NPAS3: variants seen among roughly 807,000 people sequenced by gnomAD.
NPAS3 encodes neuronal PAS domain-containing protein 3.
In NPAS3, 14 loss-of-function variants were observed where a neutral mutation model predicts 73.1. That is an observed-to-expected ratio of 0.19 (90% CI 0.13 to 0.30). NPAS3 has a LOEUF of 0.30. Ranked by LOEUF, NPAS3 falls within the 10% of genes least tolerant of loss-of-function variation. The pLI, the probability that NPAS3 is intolerant of heterozygous loss-of-function variation, is 1.00. For synonymous variants in NPAS3, 620 were observed against 541.5 expected (o/e 1.14, Z -2.01); for missense variants, 1,096 against 1,250.0 (o/e 0.88, Z 1.86).
chr14:33,259,133 A>G (rs940407319), intron 3 of NPAS3, among the ~76,000 whole-genome samples: 1 of 152,182 alleles, frequency 6.6e-6, no homozygotes, highest in Non-Finnish European at 1.5e-5. Flanking sequence ...AGCTCTTTAT[A>G]CTTAGGAAAG....
intron 4 of NPAS3, among the ~76,000 whole-genome samples, chr14:33,485,798 G>A (rs1013866685): frequency 2.0e-5 from 3 of 151,794 alleles, no homozygotes; most frequent in African/African-American, 4.8e-5. Context: ...CTCTCCCCAC[G>A]TTAGAACTTA....
At chr14:33,566,933 C>G (rs141126865) in intron 5 of NPAS3, among the ~76,000 whole-genome samples, 156 of 152,330 alleles carry the variant, frequency 1.0e-3, no homozygotes, top group African/African-American at 3.5e-3. Context: ...CCAGTGGCAG[C>G]CTCTTTGCAG....
chr14:33,453,848 T>C (rs1566917247), intron 4 of NPAS3, among the ~76,000 whole-genome samples: 1 of 152,168 alleles, frequency 6.6e-6, no homozygotes, highest in Non-Finnish European at 1.5e-5. Flanking sequence ...CTGATATGCT[T>C]CCTTTGTTTG....
intron 1 of NPAS3, among the ~76,000 whole-genome samples, chr14:32,941,287 C>CCCT (rs2035995850): frequency 2.9e-5 from 1 of 34,758 alleles, no homozygotes; most frequent in Non-Finnish European, 6.0e-5. Context: ...CTCCCTCCCT[C>CCCT]CCTCCCTCCC....
chr14:33,057,676 T>C (rs1291315374), intron 2 of NPAS3, among the ~76,000 whole-genome samples: 3 of 152,174 alleles, frequency 2.0e-5, no homozygotes, highest in African/African-American at 7.2e-5. Flanking sequence ...TTTTAAAGAA[T>C]TGGTGTTATT....
chr14:33,388,076 A>T (rs1321313297), intron 4 of NPAS3, among the ~76,000 whole-genome samples: 1 of 152,024 alleles, frequency 6.6e-6, no homozygotes. Context: ...ATGTGGTTTT[A>T]CCAAGTAAAG....
downstream of NPAS3, chr14:33,801,127 G>T: frequency 6.4e-7 from 1 of 1,557,076 alleles, no homozygotes; most frequent in Non-Finnish European, 8.7e-7. Context: ...CCCGTCCTGG[G>T]CCCGGCCAGG....
At chr14:33,189,326 T>C (rs1292452914) in intron 2 of NPAS3, among the ~76,000 whole-genome samples, 8 of 152,094 alleles carry the variant, frequency 5.3e-5, no homozygotes, top group Non-Finnish European at 1.2e-4. Context: ...CACACTCTGT[T>C]TTCAGAGACT....
chr14:33,228,793 A>G (rs1027088747), intron 3 of NPAS3, among the ~76,000 whole-genome samples: 4 of 152,196 alleles, frequency 2.6e-5, no homozygotes, highest in African/African-American at 7.2e-5. Flanking sequence ...TTAAGCAGAC[A>G]AAGTACTGTG....
At chr14:33,588,824 C>T (rs1219922215) in intron 5 of NPAS3, among the ~76,000 whole-genome samples, 1 of 152,082 alleles carries the variant, frequency 6.6e-6, no homozygotes, top group Non-Finnish European at 1.5e-5. Context: ...ACCATGTTGG[C>T]CAAGCTGGTT....
chr14:33,180,635 T>TA (rs2045756512), intron 2 of NPAS3, among the ~76,000 whole-genome samples: 1 of 151,188 alleles, frequency 6.6e-6, no homozygotes, highest in South Asian at 2.1e-4. Flanking sequence ...CCATCTGTAT[T>TA]AAAAATACAA....
intron 3 of NPAS3, among the ~76,000 whole-genome samples, chr14:33,363,506 T>A (rs1335584369): frequency 6.6e-6 from 1 of 152,220 alleles, no homozygotes; most frequent in Non-Finnish European, 1.5e-5. Flanking sequence ...AGATGATTTT[T>A]TAAAAAACCA....
chr14:32,948,619 A>G (rs2139121279), intron 1 of NPAS3, among the ~76,000 whole-genome samples: 1 of 152,242 alleles, frequency 6.6e-6, no homozygotes, highest in East Asian at 1.9e-4. Flanking sequence ...ATTATGGTTC[A>G]AAATAATTCA....
At chr14:33,270,355 A>G (rs1309350837) in intron 3 of NPAS3, among the ~76,000 whole-genome samples, 1 of 152,212 alleles carries the variant, frequency 6.6e-6, no homozygotes, top group Non-Finnish European at 1.5e-5. Flanking sequence ...TGTACCACAA[A>G]GGACTTCCAC....
chr14:33,528,932 T>C (rs2053922377), intron 4 of NPAS3, among the ~76,000 whole-genome samples: 1 of 152,122 alleles, frequency 6.6e-6, no homozygotes, highest in Admixed American at 6.6e-5. Flanking sequence ...AACTCAATAA[T>C]GTTTCTTTTA....
At chr14:33,032,984 G>A (rs1024972473) in intron 1 of NPAS3, among the ~76,000 whole-genome samples, 2 of 151,902 alleles carry the variant, frequency 1.3e-5, no homozygotes, top group Non-Finnish European at 2.9e-5. Context: ...TTCATTCTTG[G>A]TCCCCAAACA....
intron 3 of NPAS3, among the ~76,000 whole-genome samples, chr14:33,289,556 C>T (rs1292694424): frequency 6.6e-6 from 1 of 152,258 alleles, no homozygotes; most frequent in African/African-American, 2.4e-5. Flanking sequence ...TGCGGCGGCT[C>T]ATGCCTGTAA....
chr14:33,391,716 C>T (rs993516629), intron 4 of NPAS3, among the ~76,000 whole-genome samples: 3 of 152,062 alleles, frequency 2.0e-5, no homozygotes, highest in Non-Finnish European at 2.9e-5. Context: ...ATAGAAAACG[C>T]ACAAAGTGAG....
chr14:33,342,498 C>A (rs2044533169), intron 3 of NPAS3, among the ~76,000 whole-genome samples: 1 of 152,210 alleles, frequency 6.6e-6, no homozygotes, highest in Admixed American at 6.5e-5. Context: ...TCTGGCCCAG[C>A]CTTTCCACAT....
Sources: gnomAD v4.1 joint callset for allele counts (sites outside exome capture counted in the v4.1 genomes callset) on GRCh38, gnomAD v4.1.1 for gene constraint, MANE v1.5 for transcripts, NCBI Gene and HGNC (gene_info 2026-07-23, HGNC 2026-07-21) for gene names.